The following CEACAM20 variants were observed in gnomAD, a reference collection of about 807,000 sequenced individuals.
CEACAM20 encodes the protein cell adhesion molecule CEACAM20.
A neutral mutation model predicts 61.2 loss-of-function variants in CEACAM20; 50 were observed. The ratio of observed to expected loss-of-function variants is 0.82; its 90% confidence interval spans 0.65 to 1.03. The LOEUF (loss-of-function observed/expected upper bound fraction) is 1.03, where lower values mean the gene tolerates loss of function less well. Ranked by LOEUF, CEACAM20 falls within the 50% of genes least tolerant of loss-of-function variation. CEACAM20 has a pLI of 0.00. For synonymous variants in CEACAM20, 282 were observed against 287.7 expected (o/e 0.98, Z 0.20); for missense variants, 683 against 736.4 (o/e 0.93, Z 0.84).
At chr19:44,520,976 T>G (rs1479603644) in intron 4 of CEACAM20, among the ~76,000 whole-genome samples, 1 of 152,038 alleles carries the variant, frequency 6.6e-6, no homozygotes, top group African/African-American at 2.4e-5. Context: ...GCAATGAGTT[T>G]TGTGTGTATG....
chr19:44,529,256 C>T (rs1000387758), intron 1 of CEACAM20, among the ~76,000 whole-genome samples: 10 of 151,846 alleles, frequency 6.6e-5, no homozygotes, highest in African/African-American at 1.7e-4. Flanking sequence ...TGAGCCACCA[C>T]GCCTGGCCCT....
chr19:44,516,864 G>A (rs930256361), intron 6 of CEACAM20, 82 bp downstream of exon 6: 39 of 1,476,390 alleles, frequency 2.6e-5, no homozygotes, highest in South Asian at 2.4e-4. Context: ...TCCAGCCCTC[G>A]GTAGGGGTAG....
intron 11 of CEACAM20, among the ~76,000 whole-genome samples, chr19:44,509,378 AG>A (rs1228136993): frequency 1.3e-5 from 2 of 151,934 alleles, no homozygotes; most frequent in South Asian, 2.1e-4. Context: ...AAAACAGAAA[AG>A]GGGGGAAATG....
intron 3 of CEACAM20, among the ~76,000 whole-genome samples, 172 bp downstream of exon 3, chr19:44,523,814 A>G (rs1394574058): frequency 6.6e-6 from 1 of 152,138 alleles, no homozygotes; most frequent in East Asian, 1.9e-4. Flanking sequence ...TTTGCTTCAC[A>G]TTAAGTTGGA....
chr19:44,526,502 T>TA (rs1215739785), intron 1 of CEACAM20, among the ~76,000 whole-genome samples: 26 of 139,270 alleles, frequency 1.9e-4, no homozygotes, highest in East Asian at 6.5e-4. Context: ...AATCCTGTCT[T>TA]AAAAAAAAAA....
chr19:44,519,354 G>A (rs1048067218), intron 5 of CEACAM20, among the ~76,000 whole-genome samples: 2 of 152,214 alleles, frequency 1.3e-5, no homozygotes, highest in Non-Finnish European at 2.9e-5. Flanking sequence ...CACAGAGAGA[G>A]CACAAAACAT....
Position 44,517,072 on chromosome 19 carries a change from C to T in CEACAM20, c.1183G>A (p.Glu395Lys), listed in dbSNP as rs1158227065. The change falls in exon 6 of 12, where the codon GAG becomes AAG. Residue 395 changes from glutamate (E) to lysine (K), a missense_variant. Coordinates refer to ENST00000614924, the MANE Select transcript of CEACAM20 (RefSeq NM_001102597.3). Reference sequence around the variant, plus strand: ...ATAATCAGCTGCTCACCCAGGTGCTCCCCGGTGGAGTGTTCAAGAGTCCAG... The same window carrying T: ...ATAATCAGCTGCTCACCCAGGTGCTTCCCGGTGGAGTGTTCAAGAGTCCAG... ...YRWTLEHSTGEHLGEQLIIRA... is the reference protein window; with the variant it reads ...YRWTLEHSTGKHLGEQLIIRA... The T allele has an allele frequency of 4.4e-6, 7 of 1,608,160 alleles. No individual in the cohort carries two copies. Among genetic ancestry groups the T allele is most frequent in the East Asian group, 2.2e-5 (1 of 44,720 alleles).
intron 6 of CEACAM20, among the ~76,000 whole-genome samples, chr19:44,513,993 A>G (rs1374803028): frequency 6.6e-6 from 1 of 152,204 alleles, no homozygotes; most frequent in Non-Finnish European, 1.5e-5. Context: ...TGACAATGTC[A>G]GTTAGGATAA....
intron 1 of CEACAM20, among the ~76,000 whole-genome samples, chr19:44,529,213 C>T (rs879367910): frequency 6.6e-6 from 1 of 152,026 alleles, no homozygotes; most frequent in Non-Finnish European, 1.5e-5. Context: ...GATCCACCCA[C>T]CTCGGCCTCC....
intron 6 of CEACAM20, among the ~76,000 whole-genome samples, chr19:44,514,741 G>A (rs1018976114): frequency 1.3e-5 from 2 of 152,116 alleles, no homozygotes; most frequent in Admixed American, 1.3e-4. Flanking sequence ...TTACAGGCAT[G>A]AGCCACCATG....
intron 1 of CEACAM20, among the ~76,000 whole-genome samples, chr19:44,526,614 T>C (rs1308691328): frequency 1.3e-5 from 2 of 152,052 alleles, no homozygotes; most frequent in East Asian, 3.9e-4. Flanking sequence ...CGGTGGCTCA[T>C]GCTTGTAATC....
intron 11 of CEACAM20, among the ~76,000 whole-genome samples, chr19:44,509,627 C>G (rs13343790): frequency 0.42 from 62,897 of 151,456 alleles, 13,552 homozygotes; most frequent in South Asian, 0.53. Flanking sequence ...AGAAAACATG[C>G]AGTAGAATGG....
chr19:44,511,023 A>C lies in CEACAM20; in HGVS notation c.1737+7T>G. The stretch of plus-strand genomic sequence containing the variant: ...CTGTCCAAAGACTCAGTGTGGCATA[A>C]ACATACCTCATAGATTGACTCCATG... On this transcript the variant is annotated splice_region_variant and intron_variant, in intron 11 of 11. Transcript: ENST00000614924. 1 of 1,613,936 alleles carries C rather than the reference A, an allele frequency of 6.2e-7. No homozygotes were observed. Among genetic ancestry groups the C allele is most frequent in the South Asian group, 1.1e-5 (1 of 91,072 alleles).
chr19:44,525,128 T>G lies in CEACAM20; in HGVS notation c.169A>C (p.Thr57Pro), dbSNP rs765004258. ...CTGGATCTGCCATGAATCTGGGGTG[T>G]CCTGGGGGTCCCAAACACAGGCAGA... ...VVLPVFGTPR[T>P]PQIHGRSREL... is the part of the protein sequence containing the mutation. The change falls in exon 2 of 12, where the codon ACA becomes CCA. Residue 57 changes from threonine to proline, a missense_variant. Transcript: ENST00000614924. 2.5e-6 allele frequency: 4 copies of G among 1,611,112 alleles called. No individual in the cohort carries two copies. The highest frequency in any genetic ancestry group is 3.4e-6 in the Non-Finnish European group (4 of 1,178,756).
chr19:44,507,764 C>A (rs1970860450), intron 11 of CEACAM20, among the ~76,000 whole-genome samples: 1 of 152,174 alleles, frequency 6.6e-6, no homozygotes, highest in Non-Finnish European at 1.5e-5. Context: ...GGTGCAGTGG[C>A]TTGCGTCTGT....
intron 11 of CEACAM20, 76 bp downstream of exon 11, chr19:44,510,954 C>T (rs878948917): frequency 6.4e-6 from 10 of 1,570,818 alleles, no homozygotes; most frequent in Admixed American, 1.8e-5. Flanking sequence ...ATCCTACAGA[C>T]TCTTTAGTAG....
At chr19:44,513,571 G>A (rs989215569) in intron 6 of CEACAM20, among the ~76,000 whole-genome samples, 10 of 151,028 alleles carry the variant, frequency 6.6e-5, no homozygotes, top group African/African-American at 2.2e-4. Context: ...CCTAGTAGCT[G>A]GGACTACAAG....
Position 44,520,506 on chromosome 19 carries a change from G to A in CEACAM20, c.998C>T (p.Ala333Val). Residue 333 changes from alanine to valine, a missense_variant, in exon 5 of 12, where the codon GCC becomes GTC. Coordinates refer to ENST00000614924, the MANE Select transcript of CEACAM20 (RefSeq NM_001102597.3). ...ACEVWNWGSR[A>V]RSEPLELTIN... is the part of the protein sequence containing the mutation. Reference sequence around the variant, plus strand: ...GGTCAGCTCAAGGGGCTCACTCCGGGCCCGGCTGCCCCAGTTCCAGACCTC... The same window carrying A: ...GGTCAGCTCAAGGGGCTCACTCCGGACCCGGCTGCCCCAGTTCCAGACCTC... The A allele has an allele frequency of 6.2e-7, 1 of 1,613,484 alleles. No individual in the cohort carries two copies. Among genetic ancestry groups the A allele is most frequent in the Non-Finnish European group, 8.5e-7 (1 of 1,179,888 alleles).
intron 5 of CEACAM20, among the ~76,000 whole-genome samples, chr19:44,519,595 C>A (rs1411888358): frequency 6.6e-6 from 1 of 152,178 alleles, no homozygotes; most frequent in African/African-American, 2.4e-5. Flanking sequence ...ATAAACCTTA[C>A]AGTCATTCTT....
Sources: allele counts gnomAD v4.1 joint callset (sites outside exome capture counted in the v4.1 genomes callset), GRCh38; gene constraint gnomAD v4.1.1; transcripts MANE v1.5; gene names NCBI Gene and HGNC (gene_info 2026-07-23, HGNC 2026-07-21).